KLHL1: variants seen among roughly 807,000 people sequenced by gnomAD.
KLHL1 encodes the protein kelch-like protein 1.
A neutral mutation model predicts 77.7 loss-of-function variants in KLHL1; 47 were observed. That is an observed-to-expected ratio of 0.60 (90% CI 0.48 to 0.77). The LOEUF (loss-of-function observed/expected upper bound fraction) is 0.77. Ranked by LOEUF, KLHL1 falls within the 30% of genes least tolerant of loss-of-function variation. The pLI is 0.00. For missense variants in KLHL1, 925 were observed against 910.8 expected (o/e 1.02, Z -0.20); for synonymous variants, 360 against 325.2 (o/e 1.11, Z -1.15).
chr13:69,787,033 T>C (rs535406215), intron 7 of KLHL1, among the ~76,000 whole-genome samples: 3 of 152,268 alleles, frequency 2.0e-5, no homozygotes, highest in African/African-American at 2.4e-5. Context: ...TGGAAGAACA[T>C]TCCATGCTCA....
intron 4 of KLHL1, among the ~76,000 whole-genome samples, chr13:69,898,904 G>A (rs1254244051): frequency 6.6e-6 from 1 of 152,130 alleles, no homozygotes; most frequent in Non-Finnish European, 1.5e-5. Flanking sequence ...GTCCAATGCT[G>A]TATTCAGTCT....
chr13:70,048,482 A>T (rs936915050), intron 1 of KLHL1, among the ~76,000 whole-genome samples: 1 of 152,228 alleles, frequency 6.6e-6, no homozygotes, highest in Admixed American at 6.5e-5. Flanking sequence ...CAAGGCAGCC[A>T]GTTAGAAAGA....
At chr13:69,921,252 T>C (rs1192703851) in intron 4 of KLHL1, among the ~76,000 whole-genome samples, 1 of 152,220 alleles carries the variant, frequency 6.6e-6, no homozygotes, top group Non-Finnish European at 1.5e-5. Context: ...ACTCCTATTG[T>C]CTGCAACATC....
intron 8 of KLHL1, among the ~76,000 whole-genome samples, chr13:69,739,193 A>G (rs1434016953): frequency 6.6e-6 from 1 of 152,212 alleles, no homozygotes; most frequent in African/African-American, 2.4e-5. Flanking sequence ...TTTTCAGACA[A>G]GCAAATGCTG....
intron 1 of KLHL1, among the ~76,000 whole-genome samples, chr13:70,062,417 A>G (rs1886913354): frequency 6.6e-6 from 1 of 152,218 alleles, no homozygotes. Context: ...GTGCATAAAT[A>G]TTTGAGCTAG....
intron 1 of KLHL1, among the ~76,000 whole-genome samples, chr13:70,075,673 A>G (rs894170773): frequency 5.7e-5 from 8 of 140,428 alleles, no homozygotes; most frequent in African/African-American, 1.9e-4. Context: ...GTGTGTGTGT[A>G]TATATATATA....
intron 8 of KLHL1, among the ~76,000 whole-genome samples, chr13:69,736,199 C>T (rs527249665): frequency 7.0e-6 from 1 of 141,860 alleles, no homozygotes; most frequent in Non-Finnish European, 1.5e-5. Context: ...AAGAAAGAAA[C>T]AAACAATCCC....
At chr13:70,047,110 G>A (rs1044496147) in intron 1 of KLHL1, among the ~76,000 whole-genome samples, 2 of 152,010 alleles carry the variant, frequency 1.3e-5, no homozygotes, top group African/African-American at 4.8e-5. Context: ...TAGCATTAAT[G>A]TGGACTGACC....
At chr13:69,747,946 T>C (rs1253374843) in intron 7 of KLHL1, among the ~76,000 whole-genome samples, 1 of 151,882 alleles carries the variant, frequency 6.6e-6, no homozygotes, top group Non-Finnish European at 1.5e-5. Flanking sequence ...GACTAGCAAA[T>C]ATTTAATATA....
At chr13:70,080,156 C>T (rs1464034139) in intron 1 of KLHL1, among the ~76,000 whole-genome samples, 1 of 152,146 alleles carries the variant, frequency 6.6e-6, no homozygotes, top group African/African-American at 2.4e-5. Flanking sequence ...TACGTGTTGG[C>T]ATGAATCTCA....
At chr13:69,739,270 ACGAATTGTTACCAGC>A (rs1873886499) in intron 8 of KLHL1, among the ~76,000 whole-genome samples, 1 of 152,190 alleles carries the variant, frequency 6.6e-6, no homozygotes, top group African/African-American at 2.4e-5. Flanking sequence ...TATGAAAAGG[ACGAATTGTTACCAGC>A]CGCAACGAAA....
chr13:69,779,100 T>G (rs1393255403), intron 7 of KLHL1, among the ~76,000 whole-genome samples: 1 of 151,988 alleles, frequency 6.6e-6, no homozygotes, highest in East Asian at 1.9e-4. Context: ...GCCCGGTCAG[T>G]TATTCTTTCT....
chr13:69,747,587 A>T (rs1419600503), intron 7 of KLHL1, among the ~76,000 whole-genome samples: 1 of 152,032 alleles, frequency 6.6e-6, no homozygotes. Flanking sequence ...GGACAATATA[A>T]AAAGGAAATT....
At chr13:69,719,272 C>G (rs1872925746) in intron 9 of KLHL1, 97 bp downstream of exon 9, 1 of 969,966 alleles carries the variant, frequency 1.0e-6, no homozygotes, top group Non-Finnish European at 1.6e-6. Context: ...GTTGAATTTA[C>G]CCTTCCTAAA....
chr13:69,779,511 T>C (rs963314400), intron 7 of KLHL1, among the ~76,000 whole-genome samples: 3 of 151,988 alleles, frequency 2.0e-5, no homozygotes, highest in Non-Finnish European at 4.4e-5. Flanking sequence ...CCTGTCCTTT[T>C]TCCTTTTCTT....
At chr13:69,916,290 C>T (rs532805625) in intron 4 of KLHL1, among the ~76,000 whole-genome samples, 151 of 151,914 alleles carry the variant, frequency 9.9e-4, no homozygotes, top group African/African-American at 3.4e-3. Flanking sequence ...CACATGCACA[C>T]GTATGTTTAT....
At chr13:69,775,698 T>C (rs1348622600) in intron 7 of KLHL1, among the ~76,000 whole-genome samples, 2 of 151,808 alleles carry the variant, frequency 1.3e-5, no homozygotes, top group Non-Finnish European at 2.9e-5. Flanking sequence ...TAAGGGTTTT[T>C]TTTTGTTTTT....
chr13:69,965,788 A>G (rs1240587913), intron 2 of KLHL1, among the ~76,000 whole-genome samples: 1 of 152,190 alleles, frequency 6.6e-6, no homozygotes, highest in East Asian at 1.9e-4. Context: ...TATTTCTGAA[A>G]TGGAGAAAGT....
intron 6 of KLHL1, among the ~76,000 whole-genome samples, chr13:69,821,822 C>T (rs550817195): frequency 6.6e-6 from 1 of 152,214 alleles, no homozygotes; most frequent in East Asian, 1.9e-4. Flanking sequence ...CTATTTTCGA[C>T]TAACTTTTTT....
Sources: allele counts gnomAD v4.1 joint callset (sites outside exome capture counted in the v4.1 genomes callset), GRCh38; gene constraint gnomAD v4.1.1; transcripts MANE v1.5; gene names NCBI Gene and HGNC (gene_info 2026-07-23, HGNC 2026-07-21).